The following ARHGEF28 variants were observed in gnomAD, a reference collection of about 807,000 sequenced individuals.
ARHGEF28 encodes the protein Rho guanine nucleotide exchange factor 28.
In ARHGEF28, 152 loss-of-function variants were observed where a neutral mutation model predicts 206.6. The observed-to-expected ratio is 0.74, with a 90% CI of 0.64 to 0.84. ARHGEF28 has a LOEUF of 0.84. Among genes scored for constraint, ARHGEF28 ranks in the 40% least tolerant of loss-of-function variants. The pLI is 0.00. For missense variants in ARHGEF28, 2,028 were observed against 2,073.2 expected (o/e 0.98, Z 0.42); for synonymous variants, 763 against 776.4 (o/e 0.98, Z 0.29).
In ARHGEF28 at chr5:73,831,937, C is replaced by T. The variant is rs535771414; in HGVS notation, c.1025-401C>T. On this transcript the variant is annotated intron_variant, in intron 9 of 35. Coordinates refer to ENST00000513042, the MANE Select transcript of ARHGEF28 (RefSeq NM_001177693.2). ...AGCTCCCAACCTCAGGTGATCTGCC[C>T]GCCTTGGCTTCCCAAAGTGCTGGGA... 7.2e-5 allele frequency among the ~76,000 whole-genome samples: 11 copies of T among 152,298 alleles called. No homozygotes were observed. In the South Asian group the frequency reaches 1.0e-3, roughly 14 times the overall value.
intron 9 of ARHGEF28, among the ~76,000 whole-genome samples, chr5:73,805,415 G>T (rs79382477): frequency 0.016 from 2,379 of 152,274 alleles, 62 homozygotes; most frequent in African/African-American, 0.046. Context: ...GGGAATTTTG[G>T]GTGTGGTGGA....
Position 73,840,668 on chromosome 5 carries a change from C to A in ARHGEF28, c.1335C>A (p.Phe445Leu). The change falls in exon 11 of 36, where the codon TTC (phenylalanine) becomes TTA (leucine). Residue 445 changes from phenylalanine to leucine, a missense_variant. Phe to Leu is a conservative substitution (Grantham distance 22). Around this residue, in one of 3 missense-constraint regions of ARHGEF28, gnomAD observed 1,002 missense variants for 1,015.3 expected, o/e 0.99. Transcript: ENST00000513042. Reference protein sequence around the residue: ...GTAHTEAQQSFMSPSSSCASN... With the variant: ...GTAHTEAQQSLMSPSSSCASN... The stretch of plus-strand genomic sequence containing the variant: ...CACACACTGAAGCCCAGCAGTCCTT[C>A]ATGTCACCATCAAGTTCGTGTGCTT... The A allele has an allele frequency of 6.2e-7, 1 of 1,613,536 alleles. No homozygotes were observed. Among genetic ancestry groups the A allele is most frequent in the Non-Finnish European group, 8.5e-7 (1 of 1,179,654 alleles).
chr5:73,931,747 T>TGGAACA (rs1764134701), intron 35 of ARHGEF28, among the ~76,000 whole-genome samples: 2 of 152,230 alleles, frequency 1.3e-5, no homozygotes, highest in Non-Finnish European at 2.9e-5. Context: ...GAAGTTTTCT[T>TGGAACA]CAGCTTTCTG....
intron 2 of ARHGEF28, among the ~76,000 whole-genome samples, chr5:73,730,516 C>T (rs1352292109): frequency 6.8e-6 from 1 of 147,992 alleles, no homozygotes; most frequent in Admixed American, 6.8e-5. Context: ...TAGGTTCAAA[C>T]TGTCCACCAT....
At chr5:73,697,871 G>A (rs929344728) in intron 2 of ARHGEF28, among the ~76,000 whole-genome samples, 1 of 152,150 alleles carries the variant, frequency 6.6e-6, no homozygotes, top group Non-Finnish European at 1.5e-5. Flanking sequence ...CAGTGGAGAT[G>A]AACATGGTGA....
intron 7 of ARHGEF28, among the ~76,000 whole-genome samples, chr5:73,793,545 C>T (rs1413219249): frequency 6.6e-6 from 1 of 152,160 alleles, no homozygotes; most frequent in African/African-American, 2.4e-5. Context: ...TAAAGCAGGG[C>T]TGTGGGGGAA....
At chr5:73,680,165 T>C (rs1288995376) in intron 1 of ARHGEF28, among the ~76,000 whole-genome samples, 1 of 152,112 alleles carries the variant, frequency 6.6e-6, no homozygotes, top group Non-Finnish European at 1.5e-5. Context: ...CTGGGCACCA[T>C]GGCTCACACC....
intron 1 of ARHGEF28, among the ~76,000 whole-genome samples, chr5:73,676,655 G>A (rs373765739): frequency 6.6e-5 from 10 of 152,198 alleles, no homozygotes; most frequent in South Asian, 6.2e-4. Context: ...TATGGACACT[G>A]TTATCTTTGA....
intron 1 of ARHGEF28, among the ~76,000 whole-genome samples, chr5:73,671,696 A>ATG: frequency 9.0e-5 from 1 of 11,144 alleles, no homozygotes; most frequent in African/African-American, 2.3e-4. Flanking sequence ...GAACTTGATT[A>ATG]TATATATATA....
chr5:73,874,567 C>G (rs1206783448), intron 22 of ARHGEF28, among the ~76,000 whole-genome samples: 3 of 114,576 alleles, frequency 2.6e-5, no homozygotes, highest in East Asian at 3.3e-4. Flanking sequence ...CCCCCTCCCC[C>G]CTCCCCCCAC....
chr5:73,824,177 T>C (rs2112543750), intron 9 of ARHGEF28, among the ~76,000 whole-genome samples: 1 of 152,350 alleles, frequency 6.6e-6, no homozygotes, highest in South Asian at 2.1e-4. Context: ...GGGTAGCCTA[T>C]CTGATATTTT....
At chr5:73,671,735 T>C (rs1297387984) in intron 1 of ARHGEF28, among the ~76,000 whole-genome samples, 1 of 8,302 alleles carries the variant, frequency 1.2e-4, no homozygotes, top group East Asian at 2.8e-3. Flanking sequence ...TATATATATA[T>C]ATATTTTTTT....
At chr5:73,880,398 G>A (rs184911222) in intron 22 of ARHGEF28, among the ~76,000 whole-genome samples, 4,509 of 152,222 alleles carry the variant, frequency 0.03, 81 homozygotes, top group South Asian at 0.054. Context: ...GCAATGCCTC[G>A]CCCTGCTTCA....
intron 33 of ARHGEF28, among the ~76,000 whole-genome samples, chr5:73,905,492 T>A (rs1238562746): frequency 6.6e-6 from 1 of 152,116 alleles, no homozygotes. Flanking sequence ...GTAGAAAAAT[T>A]TGAGAATACA....
chr5:73,655,457 A>G (rs1745129978), intron 1 of ARHGEF28, among the ~76,000 whole-genome samples: 1 of 152,350 alleles, frequency 6.6e-6, no homozygotes, highest in Non-Finnish European at 1.5e-5. Context: ...GCATAGGCCC[A>G]TGCAAGAGAA....
chr5:73,925,606 A>G (rs1046695611), intron 35 of ARHGEF28, among the ~76,000 whole-genome samples: 5 of 152,134 alleles, frequency 3.3e-5, no homozygotes, highest in Non-Finnish European at 7.4e-5. Context: ...AAGTTCCCAT[A>G]TGCCCCTTTC....
chr5:73,676,069 CTTTTTTTT>C (rs70973270), intron 1 of ARHGEF28, among the ~76,000 whole-genome samples: 1 of 115,150 alleles, frequency 8.7e-6, no homozygotes, highest in Non-Finnish European at 1.7e-5. Flanking sequence ...ATTTTCTTTT[CTTTTTTTT>C]TTTTTTTTTT....
In ARHGEF28 at chr5:73,909,848, A is replaced by G. The variant is rs1182584472; in HGVS notation, c.4598A>G (p.His1533Arg). The G allele has an allele frequency of 6.5e-7, 1 of 1,541,342 alleles. No homozygotes were observed. The highest frequency in any genetic ancestry group is 8.6e-7 in the Non-Finnish European group (1 of 1,156,428). ...CAGAGCCTGCTGGGCCACTGGAAGC[A>G]CGGCCGGCAGAGGAGCCTGCCCGCG... ...AQQSLLGHWK[H>R]GRQRSLPAVL... Residue 1533 changes from histidine to arginine, a missense_variant, in exon 34 of 36, where the codon CAC (histidine) becomes CGC (arginine). Transcript: ENST00000513042.
intron 4 of ARHGEF28, among the ~76,000 whole-genome samples, chr5:73,768,041 A>G (rs1170384269): frequency 6.6e-6 from 1 of 152,180 alleles, no homozygotes; most frequent in Non-Finnish European, 1.5e-5. Context: ...CAGCCTCCAC[A>G]TGGTGTTGAA....
Sources: gnomAD v4.1 joint callset for allele counts (sites outside exome capture counted in the v4.1 genomes callset) on GRCh38, gnomAD v4.1.1 for gene constraint, gnomAD v4.1.1 regional missense constraint, MANE v1.5 for transcripts, NCBI Gene and HGNC (gene_info 2026-07-23, HGNC 2026-07-21) for gene names.